Variants in TVP23C observed in about 807,000 individuals in gnomAD.
TVP23C encodes trans-golgi network vesicle protein 23 homolog C.
A neutral mutation model predicts 28.7 loss-of-function variants in TVP23C; 19 were observed. The ratio of observed to expected loss-of-function variants is 0.66; its 90% CI spans 0.46 to 0.97. The LOEUF (loss-of-function observed/expected upper bound fraction) is 0.97, where lower values mean the gene tolerates loss of function less well. TVP23C is among the 50% of genes least tolerant of loss of function. The pLI is 0.00. For missense variants in TVP23C, 186 were observed against 241.3 expected (o/e 0.77, Z 1.52); for synonymous variants, 68 against 81.7 (o/e 0.83, Z 0.90).
chr17:15,519,601 A>G (rs773795267), intron 5 of TVP23C, among the ~76,000 whole-genome samples: 2 of 152,164 alleles, frequency 1.3e-5, no homozygotes, highest in Non-Finnish European at 2.9e-5. Context: ...ATTTTTCTCA[A>G]CATGCCTTAA....
chr17:15,509,542 T>C (rs946970878), intron 5 of TVP23C, among the ~76,000 whole-genome samples: 2 of 152,224 alleles, frequency 1.3e-5, no homozygotes, highest in African/African-American at 4.8e-5. Flanking sequence ...TAAAATGCCC[T>C]TCCATCCTTC....
At chr17:15,551,395 C>T (rs1316431601) in intron 3 of TVP23C, among the ~76,000 whole-genome samples, 3 of 151,974 alleles carry the variant, frequency 2.0e-5, no homozygotes, top group South Asian at 2.1e-4. Context: ...CATGAGCCAC[C>T]GCGCCCAGCC....
downstream of TVP23C, among the ~76,000 whole-genome samples, chr17:15,532,417 T>TG (rs201597291): frequency 9.2e-5 from 14 of 152,108 alleles, no homozygotes; most frequent in Admixed American, 8.5e-4. Flanking sequence ...AAACCTATCT[T>TG]GGGGGGACTC....
Position 15,538,087 on chromosome 17 carries a change from G to A in TVP23C, c.*2325C>T, listed in dbSNP as rs1199314876. On this transcript the variant is annotated 3_prime_UTR_variant, in exon 6 of 6. Coordinates refer to ENST00000518321, the MANE Select transcript of TVP23C (RefSeq NM_001135036.2). ...AAAGGTTGAGTCAAGAATCTCTTCA[G>A]TTGTTCCCCAATGTAACAAAGCACA... The A allele has an allele frequency of 1.9e-6, 3 of 1,612,320 alleles. No homozygotes were observed. The highest frequency in any genetic ancestry group is 1.7e-4 in the Middle Eastern group (1 of 6,046).
chr17:15,511,008 T>C (rs141743100), intron 5 of TVP23C, among the ~76,000 whole-genome samples: 1,767 of 138,292 alleles, frequency 0.013, 29 homozygotes, highest in African/African-American at 0.045. Flanking sequence ...AAGCTGAGAT[T>C]GCACCATTGC....
At chr17:15,522,245 G>A (rs1982512764) in intron 5 of TVP23C, among the ~76,000 whole-genome samples, 1 of 152,106 alleles carries the variant, frequency 6.6e-6, no homozygotes, top group Admixed American at 6.5e-5. Flanking sequence ...TATGTTCTTA[G>A]AGTAAAAAGG....
intron 3 of TVP23C, among the ~76,000 whole-genome samples, chr17:15,549,377 C>CA (rs1213827507): frequency 6.6e-6 from 1 of 152,136 alleles, no homozygotes; most frequent in African/African-American, 2.4e-5. Context: ...AGGGAACACT[C>CA]AAAGAAGAAG....
In TVP23C at chr17:15,538,990, T is replaced by A. The variant is rs1350886801; in HGVS notation, c.*1422A>T. On this transcript the variant is annotated 3_prime_UTR_variant, in exon 6 of 6. Transcript: ENST00000518321. Reference sequence around the variant, plus strand: ...AATAAAAAGAACAATAAATTTTGAGTACAGAGGGCTGGGTTTAAGATCTAG... The same window carrying A: ...AATAAAAAGAACAATAAATTTTGAGAACAGAGGGCTGGGTTTAAGATCTAG... The A allele has an allele frequency of 1.0e-6, 1 of 985,610 alleles. No homozygotes were observed. The highest frequency in any genetic ancestry group is 1.2e-6 in the Non-Finnish European group (1 of 829,842). The allele number at this position is 985,610 out of a possible 1,614,324, so 61.1% of individuals were successfully genotyped here.
chr17:15,502,719 C>CCT (rs538023468), exon 6 of TVP23C: 8 of 1,156,924 alleles, frequency 6.9e-6, no homozygotes, highest in Admixed American at 3.5e-5. Flanking sequence ...TTCTCTCTCT[C>CCT]CTCTCTCTCT....
At chr17:15,549,541 T>C (rs1425463679) in intron 3 of TVP23C, among the ~76,000 whole-genome samples, 1 of 151,988 alleles carries the variant, frequency 6.6e-6, no homozygotes, top group East Asian at 1.9e-4. Context: ...TCGCTAGGGA[T>C]GGTGGTGCAT....
intron 5 of TVP23C, among the ~76,000 whole-genome samples, chr17:15,526,338 G>A (rs1982727016): frequency 6.6e-6 from 1 of 151,988 alleles, no homozygotes; most frequent in African/African-American, 2.4e-5. Context: ...GACAAGTCCT[G>A]GCTTCACCTC....
intron 3 of TVP23C, among the ~76,000 whole-genome samples, chr17:15,549,728 C>T (rs1026464659): frequency 1.3e-5 from 2 of 151,254 alleles, no homozygotes; most frequent in African/African-American, 2.4e-5. Context: ...CACATAAAAA[C>T]GTCAAGAAGA....
intron 3 of TVP23C, among the ~76,000 whole-genome samples, 164 bp downstream of exon 3, chr17:15,553,521 T>C (rs1471886345): frequency 5.2e-5 from 3 of 57,878 alleles, no homozygotes; most frequent in Admixed American, 4.6e-4. Flanking sequence ...AGGGAAAAAA[T>C]GAAAAAAAAA....
At chr17:15,506,495 G>A (rs1038081631) in intron 5 of TVP23C, among the ~76,000 whole-genome samples, 1 of 152,240 alleles carries the variant, frequency 6.6e-6, no homozygotes, top group African/African-American at 2.4e-5. Flanking sequence ...CAATCAGCAG[G>A]ATGTGGGTGG....
At chr17:15,512,326 G>A (rs149977587) in intron 5 of TVP23C, among the ~76,000 whole-genome samples, 2 of 152,226 alleles carry the variant, frequency 1.3e-5, no homozygotes, top group East Asian at 3.9e-4. Context: ...TTTAATCCAG[G>A]CTTTATCTCG....
At chr17:15,542,791 C>T (rs1983475500) in intron 5 of TVP23C, among the ~76,000 whole-genome samples, 1 of 152,136 alleles carries the variant, frequency 6.6e-6, no homozygotes, top group Non-Finnish European at 1.5e-5. Flanking sequence ...CCCATTTATG[C>T]TGTAGGCTGC....
intron 5 of TVP23C, among the ~76,000 whole-genome samples, chr17:15,521,952 A>G (rs1235207379): frequency 6.6e-6 from 1 of 152,184 alleles, no homozygotes; most frequent in Non-Finnish European, 1.5e-5. Flanking sequence ...AGAGTAAATC[A>G]AACCACACAT....
At chr17:15,502,974 G>C in exon 6 of TVP23C, 4 of 1,614,154 alleles carry the variant, frequency 2.5e-6, no homozygotes, top group Non-Finnish European at 3.4e-6. Flanking sequence ...GAGAGAAATA[G>C]GCGGGCGGGC....
chr17:15,513,379 C>T (rs1366299974), intron 5 of TVP23C, among the ~76,000 whole-genome samples: 3 of 152,136 alleles, frequency 2.0e-5, no homozygotes, highest in African/African-American at 7.2e-5. Context: ...TATGTGAAAA[C>T]AATTGAGTAT....
Sources: gnomAD v4.1 joint callset for allele counts (sites outside exome capture counted in the v4.1 genomes callset) on GRCh38, gnomAD v4.1.1 for gene constraint, MANE v1.5 for transcripts, NCBI Gene and HGNC (gene_info 2026-07-23, HGNC 2026-07-21) for gene names.